IQCJ: variants seen among roughly 807,000 people sequenced by gnomAD.
The protein encoded by IQCJ is IQ motif containing J.
Under a neutral mutation model 11.0 loss-of-function variants are expected in IQCJ, and 9 were observed. That is an observed-to-expected ratio of 0.82 (90% CI 0.49 to 1.43). IQCJ has a LOEUF of 1.43. Among genes scored for constraint, IQCJ ranks in the 40% most tolerant of loss-of-function variants. The pLI is 0.00. For synonymous variants in IQCJ, 55 were observed against 51.3 expected (o/e 1.07, Z -0.31); for missense variants, 146 against 133.2 (o/e 1.10, Z -0.47).
At chr3:159,165,083 TA>T (rs35031833) in intron 1 of IQCJ, among the ~76,000 whole-genome samples, 1 of 151,870 alleles carries the variant, frequency 6.6e-6, no homozygotes. Flanking sequence ...TGTACCAAAC[TA>T]AAAGTAGGAA....
chr3:159,265,311 C>T (rs1306212976), downstream of IQCJ: 1 of 1,613,832 alleles, frequency 6.2e-7, no homozygotes, highest in East Asian at 2.2e-5. Flanking sequence ...GGTGATTCTT[C>T]TCTACCTTGA....
At chr3:159,093,662 TTATAAAGGA>T (rs2108087539) in intron 1 of IQCJ, among the ~76,000 whole-genome samples, 1 of 151,928 alleles carries the variant, frequency 6.6e-6, no homozygotes, top group Non-Finnish European at 1.5e-5. Flanking sequence ...ATTGGGTAGT[TTATAAAGGA>T]AAGAGGTTTA....
At chr3:159,256,355 CAGAG>C (rs369620790) in intron 3 of IQCJ, among the ~76,000 whole-genome samples, 14 of 150,172 alleles carry the variant, frequency 9.3e-5, no homozygotes, top group African/African-American at 1.9e-4. Context: ...GAGAGAGGGG[CAGAG>C]AGAGAGAGAG....
intron 1 of IQCJ, among the ~76,000 whole-genome samples, chr3:159,118,135 A>T (rs1014135584): frequency 6.6e-6 from 1 of 152,198 alleles, no homozygotes; most frequent in Non-Finnish European, 1.5e-5. Flanking sequence ...GTTTCATAAC[A>T]TCAGCAATTA....
At chr3:159,175,587 T>C (rs114281243) in intron 1 of IQCJ, among the ~76,000 whole-genome samples, 2,662 of 152,318 alleles carry the variant, frequency 0.017, 76 homozygotes, top group African/African-American at 0.062. Flanking sequence ...ACTGGTCTGC[T>C]TGAGTCATCA....
At chr3:159,192,611 G>C (rs938958200) in intron 1 of IQCJ, among the ~76,000 whole-genome samples, 1 of 152,188 alleles carries the variant, frequency 6.6e-6, no homozygotes, top group East Asian at 1.9e-4. Context: ...CATTGCAGTT[G>C]ATTGCCTGTA....
intron 1 of IQCJ, among the ~76,000 whole-genome samples, chr3:159,131,914 T>C (rs1275104475): frequency 6.6e-6 from 1 of 151,884 alleles, no homozygotes; most frequent in East Asian, 1.9e-4. Flanking sequence ...TTATTCCTTA[T>C]GGCTTACATC....
chr3:159,242,071 G>T (rs974667422), intron 1 of IQCJ, among the ~76,000 whole-genome samples: 3 of 152,130 alleles, frequency 2.0e-5, no homozygotes, highest in African/African-American at 7.2e-5. Flanking sequence ...AAGGAACAGC[G>T]AAGATAAATG....
At chr3:159,227,463 G>A (rs1322326454) in intron 1 of IQCJ, among the ~76,000 whole-genome samples, 1 of 152,126 alleles carries the variant, frequency 6.6e-6, no homozygotes, top group Non-Finnish European at 1.5e-5. Flanking sequence ...GGATATCCAA[G>A]AATACACTGG....
chr3:159,125,744 T>C (rs1719643381), intron 1 of IQCJ, among the ~76,000 whole-genome samples: 2 of 152,220 alleles, frequency 1.3e-5, no homozygotes. Flanking sequence ...CCTTGGAAGA[T>C]AGGACAACAT....
chr3:159,217,699 T>C (rs1305483613), intron 1 of IQCJ, among the ~76,000 whole-genome samples: 2 of 152,176 alleles, frequency 1.3e-5, no homozygotes, highest in South Asian at 2.1e-4. Context: ...TTCTCTTTTA[T>C]GTCTACTCCA....
chr3:159,142,080 C>T (rs1008992085), intron 1 of IQCJ, among the ~76,000 whole-genome samples: 2 of 152,188 alleles, frequency 1.3e-5, no homozygotes, highest in East Asian at 3.9e-4. Context: ...ACCAGTCCTG[C>T]CTCTGTAGAC....
chr3:159,185,311 T>C (rs1384827703), intron 1 of IQCJ, among the ~76,000 whole-genome samples: 1 of 152,102 alleles, frequency 6.6e-6, no homozygotes, highest in Admixed American at 6.5e-5. Flanking sequence ...ATTGGTAGAA[T>C]CTAAACACTC....
At chr3:159,199,036 C>T (rs1176901217) in intron 1 of IQCJ, among the ~76,000 whole-genome samples, 1 of 152,130 alleles carries the variant, frequency 6.6e-6, no homozygotes, top group Non-Finnish European at 1.5e-5. Flanking sequence ...TTTCTGGATT[C>T]AGATGTCTAA....
At chr3:159,084,943 T>A (rs985979476) in intron 1 of IQCJ, among the ~76,000 whole-genome samples, 9 of 151,750 alleles carry the variant, frequency 5.9e-5, no homozygotes, top group African/African-American at 2.2e-4. Context: ...ATACTTTAAG[T>A]TTTAGGGTAT....
chr3:159,118,482 G>A (rs1203817784), intron 1 of IQCJ, among the ~76,000 whole-genome samples: 2 of 152,078 alleles, frequency 1.3e-5, no homozygotes, highest in South Asian at 2.1e-4. Flanking sequence ...TACATGTATC[G>A]GCTCATAAAA....
chr3:159,143,330 G>T (rs1385818398), intron 1 of IQCJ, among the ~76,000 whole-genome samples: 2 of 152,198 alleles, frequency 1.3e-5, no homozygotes, highest in East Asian at 3.9e-4. Flanking sequence ...AATTCTCAGG[G>T]TTCTTTCTAT....
At chr3:159,155,045 G>A (rs368951213) in intron 1 of IQCJ, among the ~76,000 whole-genome samples, 13 of 152,188 alleles carry the variant, frequency 8.5e-5, no homozygotes, top group African/African-American at 3.1e-4. Context: ...CTGAGACCCT[G>A]GTATGAAATG....
intron 1 of IQCJ, among the ~76,000 whole-genome samples, chr3:159,208,817 G>A (rs1438035115): frequency 6.6e-6 from 1 of 152,138 alleles, no homozygotes; most frequent in Non-Finnish European, 1.5e-5. Context: ...GACAATCCTG[G>A]ATTAGGGAGT....
Sources: allele counts gnomAD v4.1 joint callset (sites outside exome capture counted in the v4.1 genomes callset), GRCh38; gene constraint gnomAD v4.1.1; transcripts MANE v1.5; gene names NCBI Gene and HGNC (gene_info 2026-07-23, HGNC 2026-07-21).